TMEM244: variants seen among roughly 807,000 people sequenced by gnomAD.
TMEM244 encodes the protein putative transmembrane protein 244.
Under a neutral mutation model 15.8 loss-of-function variants are expected in TMEM244, and 13 were observed. The observed-to-expected ratio is 0.82, with a 90% CI of 0.53 to 1.30. The LOEUF is 1.30. TMEM244 is among the 50% of genes most tolerant of loss of function. The pLI is 0.00. For synonymous variants in TMEM244, 45 were observed against 48.7 expected (o/e 0.92, Z 0.32); for missense variants, 161 against 144.9 (o/e 1.11, Z -0.57).
At chr6:129,860,365 A>G (rs748369165) in intron 1 of TMEM244, among the ~76,000 whole-genome samples, 33 of 152,118 alleles carry the variant, frequency 2.2e-4, no homozygotes, top group Non-Finnish European at 4.4e-4. Flanking sequence ...TGTTTTACTG[A>G]CCTTGAAAAT....
chr6:129,847,422 C>T (rs1338181648), intron 1 of TMEM244, among the ~76,000 whole-genome samples: 1 of 152,168 alleles, frequency 6.6e-6, no homozygotes, highest in Non-Finnish European at 1.5e-5. Flanking sequence ...TGCCTAGGTA[C>T]AGAAGGAGTC....
At chr6:129,835,467 T>C (rs2002710) in intron 3 of TMEM244, among the ~76,000 whole-genome samples, 55,558 of 151,148 alleles carry the variant, frequency 0.37, 10,617 homozygotes, top group South Asian at 0.5. Flanking sequence ...CAGCTCTGGT[T>C]TGCAGCTCCC....
At chr6:129,835,929 A>C (rs1252279577) in intron 3 of TMEM244, among the ~76,000 whole-genome samples, 1 of 152,176 alleles carries the variant, frequency 6.6e-6, no homozygotes, top group African/African-American at 2.4e-5. Context: ...TGGGTGGAGC[A>C]CACCACAGCT....
At chr6:129,847,235 C>T (rs1262938418) in intron 1 of TMEM244, among the ~76,000 whole-genome samples, 6 of 152,080 alleles carry the variant, frequency 3.9e-5, no homozygotes, top group African/African-American at 1.2e-4. Context: ...CAAAGATATC[C>T]TTATGACTAT....
At chr6:129,835,576 A>C (rs1232592555) in intron 3 of TMEM244, among the ~76,000 whole-genome samples, 2 of 152,042 alleles carry the variant, frequency 1.3e-5, no homozygotes, top group Non-Finnish European at 2.9e-5. Flanking sequence ...CAGCCCATGG[A>C]GGGCAAGCTG....
intron 4 of TMEM244, among the ~76,000 whole-genome samples, chr6:129,833,056 A>C (rs1776352598): frequency 6.6e-6 from 1 of 152,144 alleles, no homozygotes; most frequent in South Asian, 2.1e-4. Flanking sequence ...AAAATGATGC[A>C]GGGAAAACCA....
At chr6:129,849,847 G>T (rs1254262290) in intron 1 of TMEM244, among the ~76,000 whole-genome samples, 1 of 152,110 alleles carries the variant, frequency 6.6e-6, no homozygotes, top group Non-Finnish European at 1.5e-5. Context: ...CAAGCGAGAC[G>T]CCAGCAGAGA....
chr6:129,848,791 C>T (rs1776597686), intron 1 of TMEM244, among the ~76,000 whole-genome samples: 1 of 152,084 alleles, frequency 6.6e-6, no homozygotes, highest in Non-Finnish European at 1.5e-5. Context: ...ATTCTTCCTA[C>T]CATGTATTGA....
chr6:129,839,394 A>C (rs1776454535), intron 3 of TMEM244, among the ~76,000 whole-genome samples: 1 of 152,108 alleles, frequency 6.6e-6, no homozygotes, highest in Admixed American at 6.5e-5. Context: ...CATGCTAAAA[A>C]CTCTCAATAA....
At chr6:129,858,284 G>T (rs1454686869) in intron 1 of TMEM244, among the ~76,000 whole-genome samples, 1 of 152,016 alleles carries the variant, frequency 6.6e-6, no homozygotes, top group Non-Finnish European at 1.5e-5. Context: ...GATTTAAGTA[G>T]CATTGGGAGT....
intron 4 of TMEM244, among the ~76,000 whole-genome samples, chr6:129,832,682 C>G (rs930784059): frequency 6.6e-6 from 1 of 152,186 alleles, no homozygotes; most frequent in African/African-American, 2.4e-5. Flanking sequence ...CTAATTGAAA[C>G]CTCATCAGGT....
intron 1 of TMEM244, among the ~76,000 whole-genome samples, chr6:129,850,055 C>T (rs895803509): frequency 2.0e-5 from 3 of 152,148 alleles, no homozygotes; most frequent in Non-Finnish European, 4.4e-5. Flanking sequence ...AAATGAGGCT[C>T]AGAGAGGTCT....
At chr6:129,860,104 C>CCT (rs1277917686) in intron 1 of TMEM244, among the ~76,000 whole-genome samples, 3 of 140,610 alleles carry the variant, frequency 2.1e-5, no homozygotes, top group Non-Finnish European at 4.6e-5. Flanking sequence ...CTCTGCAATG[C>CCT]GTGTGTGTGT....
Position 129,832,166 on chromosome 6 carries a change from C to T in TMEM244, c.320-780G>A, listed in dbSNP as rs375901712. Among the ~76,000 whole-genome samples, 10 of 144,892 alleles carry T rather than the reference C, an allele frequency of 6.9e-5. No individual in the cohort carries two copies. The East Asian group carries it at 1.4e-3, about 21-fold the overall frequency. Reference sequence around the variant, plus strand: ...AGGTTGGAGTGCAATGGTGTGATCTCGGCTTACTGCAACCTCTGCCTCCTG... The same window carrying T: ...AGGTTGGAGTGCAATGGTGTGATCTTGGCTTACTGCAACCTCTGCCTCCTG... On this transcript the variant is annotated intron_variant, in intron 4 of 4. Coordinates refer to ENST00000368143, the MANE Select transcript of TMEM244 (RefSeq NM_001010876.2).
At chr6:129,854,599 G>A (rs899989431) in intron 1 of TMEM244, among the ~76,000 whole-genome samples, 3 of 152,148 alleles carry the variant, frequency 2.0e-5, no homozygotes, top group Non-Finnish European at 2.9e-5. Flanking sequence ...ACCTCTTACA[G>A]ATGAAAAAAC....
intron 1 of TMEM244, among the ~76,000 whole-genome samples, chr6:129,858,804 T>A (rs1223210125): frequency 6.6e-6 from 1 of 151,802 alleles, no homozygotes; most frequent in Non-Finnish European, 1.5e-5. Context: ...ATAGTCTTTT[T>A]TTTTTTTGAA....
intron 1 of TMEM244, among the ~76,000 whole-genome samples, chr6:129,849,828 A>T (rs549407100): frequency 3.3e-5 from 5 of 152,050 alleles, no homozygotes; most frequent in Admixed American, 1.3e-4. Context: ...ACAGAGTGCT[A>T]TGTAAGCCCA....
At chr6:129,836,129 G>T (rs1034237804) in intron 3 of TMEM244, among the ~76,000 whole-genome samples, 1 of 152,050 alleles carries the variant, frequency 6.6e-6, no homozygotes, top group Non-Finnish European at 1.5e-5. Context: ...CCTGACCCCC[G>T]TGTAGCCTGA....
chr6:129,837,083 G>T, intron 3 of TMEM244, among the ~76,000 whole-genome samples: 1 of 152,156 alleles, frequency 6.6e-6, no homozygotes, highest in East Asian at 1.9e-4. Flanking sequence ...ACACCACAAA[G>T]ATACTCTTCG....
Sources: gnomAD v4.1 joint callset for allele counts (sites outside exome capture counted in the v4.1 genomes callset) on GRCh38, gnomAD v4.1.1 for gene constraint, MANE v1.5 for transcripts, NCBI Gene and HGNC (gene_info 2026-07-23, HGNC 2026-07-21) for gene names.